Variants in VWA5B1 observed in about 807,000 individuals in gnomAD.
The protein encoded by VWA5B1 is von Willebrand factor A domain-containing protein 5B1.
VWA5B1 carries 115 observed loss-of-function variants against 118.2 expected under a neutral mutation model. That is an observed-to-expected ratio of 0.97 (90% CI 0.84 to 1.14). The LOEUF (loss-of-function observed/expected upper bound fraction) is 1.14. VWA5B1 is among the 50% of genes most tolerant of loss of function. The pLI is 0.00. For missense variants in VWA5B1, 1,596 were observed against 1,603.8 expected, an observed-to-expected ratio of 1.00 and a Z score of 0.08; for synonymous variants, 682 against 658.4, an observed-to-expected ratio of 1.04 and a Z score of -0.55.
chr1:20,327,559 G>T (rs976487051), intron 8 of VWA5B1, among the ~76,000 whole-genome samples: 15 of 152,092 alleles, frequency 9.9e-5, no homozygotes, highest in African/African-American at 2.9e-4. Flanking sequence ...GGATCAGGAA[G>T]AGGTTAAATG....
At chr1:20,304,239 G>C (rs10799627) in intron 1 of VWA5B1, among the ~76,000 whole-genome samples, 71,049 of 152,000 alleles carry the variant, frequency 0.47, 17,358 homozygotes, top group African/African-American at 0.61. Context: ...ATGCAAGCCC[G>C]GAGGAGAGCG....
At chr1:20,291,339 C>CTTTT (rs1553192739) in intron 1 of VWA5B1, among the ~76,000 whole-genome samples, 1 of 135,022 alleles carries the variant, frequency 7.4e-6, no homozygotes, top group Non-Finnish European at 1.6e-5. Flanking sequence ...CTCTCTCTCT[C>CTTTT]TCTTTCTTTC....
At position 20,332,846 on chromosome 1, in the gene VWA5B1, G is replaced by A. The variant is rs973535944; in HGVS notation, c.1653G>A (p.Glu551=). Residue 551 remains glutamate (E), a synonymous_variant, in exon 12 of 22, where the codon GAG becomes GAA. Coordinates refer to ENST00000289815, the MANE Select transcript of VWA5B1 (RefSeq NM_001039500.3). ...AGTGGATCTTCCCTGAGACCACTGA[G>A]GTCCTGGTCTCACCCGTCAGCGCCA... ...TVEWIFPETT[E]VLVSPVSASS... is the part of the protein sequence containing the mutation. The A allele has an allele frequency of 1.7e-5, 27 of 1,551,686 alleles. No homozygotes were observed. In the African/African-American group the frequency reaches 3.3e-4, roughly 19 times the overall value.
At position 20,334,671 on chromosome 1, in the gene VWA5B1, C is replaced by A. The variant is rs115571754; in HGVS notation, c.1759-1632C>A. Among the ~76,000 whole-genome samples, 363 of 152,140 alleles carry A rather than the reference C, an allele frequency of 2.4e-3. 3 individuals are homozygous for A. Among genetic ancestry groups the A allele is most frequent in the African/African-American group, 8.3e-3 (343 of 41,496 alleles). ...ACTGAAAATACAAAAATTAGCCAGG[C>A]GTGGCGTCAGTCACCTGCAACCCCA... On this transcript the variant is annotated intron_variant, in intron 12 of 21. Coordinates refer to ENST00000289815, the MANE Select transcript of VWA5B1 (RefSeq NM_001039500.3).
chr1:20,299,694 A>G (rs546900754), intron 1 of VWA5B1, among the ~76,000 whole-genome samples: 6 of 152,276 alleles, frequency 3.9e-5, no homozygotes, highest in African/African-American at 7.2e-5. Context: ...GTGAGCCACC[A>G]CGCTCGGCCT....
intron 5 of VWA5B1, among the ~76,000 whole-genome samples, chr1:20,317,964 AAG>A (rs1477401159): frequency 1.3e-5 from 2 of 150,970 alleles, no homozygotes; most frequent in Non-Finnish European, 2.9e-5. Flanking sequence ...CACAGCTGTA[AAG>A]CTGCTTCCTG....
intron 1 of VWA5B1, among the ~76,000 whole-genome samples, chr1:20,300,399 C>T (rs1191864001): frequency 2.0e-5 from 3 of 152,108 alleles, no homozygotes; most frequent in South Asian, 4.1e-4. Context: ...AGGTGCACCT[C>T]CTCTTGTTGT....
intron 1 of VWA5B1, among the ~76,000 whole-genome samples, chr1:20,298,553 G>A (rs997819301): frequency 3.3e-5 from 5 of 152,018 alleles, no homozygotes; most frequent in Admixed American, 2.6e-4. Context: ...ACTGTGCCTG[G>A]CGCTTTATGC....
At chr1:20,308,036 C>A (rs1414918035) in intron 1 of VWA5B1, among the ~76,000 whole-genome samples, 1 of 152,134 alleles carries the variant, frequency 6.6e-6, no homozygotes, top group Non-Finnish European at 1.5e-5. Context: ...CTCCTTCCCT[C>A]CCCGACCAGT....
intron 11 of VWA5B1, among the ~76,000 whole-genome samples, chr1:20,332,499 T>C (rs1445860191): frequency 7.1e-6 from 1 of 140,288 alleles, no homozygotes; most frequent in Non-Finnish European, 1.5e-5. Context: ...TAAAATAAAA[T>C]AAAATAAAAT....
intron 1 of VWA5B1, among the ~76,000 whole-genome samples, chr1:20,295,823 C>A (rs1248486468): frequency 2.0e-5 from 3 of 152,164 alleles, no homozygotes; most frequent in African/African-American, 7.2e-5. Flanking sequence ...ATGGAGGAGT[C>A]TGCTTAATCA....
chr1:20,347,634 AT>A (rs1157876711), intron 17 of VWA5B1, among the ~76,000 whole-genome samples: 1 of 150,728 alleles, frequency 6.6e-6, no homozygotes. Flanking sequence ...TTATTTTTTT[AT>A]TTTTTTTGGT....
At chr1:20,345,093 C>T (rs1382673120) in intron 16 of VWA5B1, among the ~76,000 whole-genome samples, 4 of 152,208 alleles carry the variant, frequency 2.6e-5, no homozygotes, top group African/African-American at 7.2e-5. Flanking sequence ...TGAAGTTTTA[C>T]GGCAACGTTC....
rs912360660 is a variant in VWA5B1 at position 20,356,587 on chromosome 1, T to C, written c.*2324T>C. Reference sequence around the variant, plus strand: ...CCAGCATAGAACTAGTGCTACAAGATGCCTAGCAGGAGCAACCAAGAAATC... The same window carrying C: ...CCAGCATAGAACTAGTGCTACAAGACGCCTAGCAGGAGCAACCAAGAAATC... On this transcript the variant is annotated 3_prime_UTR_variant, in exon 22 of 22. Coordinates refer to ENST00000289815, the MANE Select transcript of VWA5B1 (RefSeq NM_001039500.3). Among the ~76,000 whole-genome samples the C allele has an allele frequency of 1.3e-5, 2 of 152,208 alleles. No individual in the cohort carries two copies. The highest frequency in any genetic ancestry group is 6.5e-5 in the Admixed American group (1 of 15,286).
chr1:20,316,337 G>A (rs7542444), intron 4 of VWA5B1, among the ~76,000 whole-genome samples: 6,560 of 152,260 alleles, frequency 0.043, 198 homozygotes, highest in Middle Eastern at 0.088. Flanking sequence ...CAGGGAGGCC[G>A]AGCTGGGAAC....
In VWA5B1 at chr1:20,318,743, C is replaced by G. The variant is rs750831566; in HGVS notation, c.841+22C>G. 2.7e-6 allele frequency: 4 copies of G among 1,456,586 alleles called. No homozygotes were observed. The South Asian group carries it at 5.9e-5, about 21-fold the overall frequency. The allele number at this position is 1,456,586 out of a possible 1,614,324, so 90.2% of individuals were successfully genotyped here. On this transcript the variant is annotated intron_variant, in intron 6 of 21. Transcript: ENST00000289815. ...AGCGGTACGGTGCCCCACAACGGGC[C>G]CCTGGGCTGCCTGTGGGAGGGAGGA...
intron 1 of VWA5B1, among the ~76,000 whole-genome samples, chr1:20,309,712 C>A (rs1483775056): frequency 6.6e-6 from 1 of 152,088 alleles, no homozygotes; most frequent in Non-Finnish European, 1.5e-5. Context: ...GTTTATGTGT[C>A]CAGAATGTTT....
At position 20,317,437 on chromosome 1, in the gene VWA5B1, G is replaced by T. The variant is rs1019232839; in HGVS notation, c.564-93G>T. On this transcript the variant is annotated intron_variant, in intron 4 of 21. Transcript: ENST00000289815. The stretch of plus-strand genomic sequence containing the variant: ...GGGGGCCCCCTTGGTGGGCTGGGCT[G>T]CCTGGAACTCATCGTCCTCTCCTTG... 39 of 1,484,368 alleles carry T rather than the reference G, an allele frequency of 2.6e-5. No individual in the cohort carries two copies. In the African/African-American group the frequency reaches 4.2e-4, roughly 16 times the overall value. 91.9% of individuals were successfully genotyped at this position (1,484,368 alleles called of 1,614,324 possible). A position where few individuals can be genotyped will look rare whatever the true frequency, so the allele number is the denominator to read the frequency against.
chr1:20,295,353 A>G (rs540493801), intron 1 of VWA5B1, among the ~76,000 whole-genome samples: 1 of 152,210 alleles, frequency 6.6e-6, no homozygotes, highest in Non-Finnish European at 1.5e-5. Context: ...TGAGCAAGTC[A>G]GGCTTAGTTA....
Sources: gnomAD v4.1 joint callset for allele counts (sites outside exome capture counted in the v4.1 genomes callset) on GRCh38, gnomAD v4.1.1 for gene constraint, MANE v1.5 for transcripts, NCBI Gene and HGNC (gene_info 2026-07-23, HGNC 2026-07-21) for gene names.